Variants in POLE observed in about 807,000 individuals in gnomAD.
POLE encodes the protein DNA polymerase epsilon catalytic subunit A.
Under a neutral mutation model 279.2 loss-of-function variants are expected in POLE, and 188 were observed. The ratio of observed to expected loss-of-function variants is 0.67; its 90% confidence interval spans 0.60 to 0.76. POLE has a LOEUF of 0.76. Ranked by LOEUF, POLE falls within the 30% of genes least tolerant of loss-of-function variation. The pLI is 0.00. For synonymous variants in POLE, 1,214 were observed against 1,172.5 expected (o/e 1.04, Z -0.72); for missense variants, 2,703 against 3,016.7 (o/e 0.90, Z 2.44).
At chr12:132,636,299 G>T (rs2042031205) in intron 41 of POLE, among the ~76,000 whole-genome samples, 1 of 152,086 alleles carries the variant, frequency 6.6e-6, no homozygotes, top group Non-Finnish European at 1.5e-5. Flanking sequence ...CTGCTCTGCG[G>T]CCTTAGGTGA....
At position 132,668,742 on chromosome 12, in the gene POLE, G is replaced by A. The variant is rs878854846; in HGVS notation, c.1924-5C>T. 7 of 1,613,844 alleles carry A rather than the reference G, an allele frequency of 4.3e-6. No homozygotes were observed. Among genetic ancestry groups the A allele is most frequent in the African/African-American group, 2.7e-5 (2 of 74,932 alleles). ...TTCGTCCACCATGGCAGAGGGCTGG[G>A]AGGGGTGAGAAAGCACTTAGGGCTG... is the stretch of plus-strand genomic sequence containing the variant. On this transcript the variant is annotated splice_region_variant and splice_polypyrimidine_tract_variant and intron_variant, in intron 17 of 48. Coordinates refer to ENST00000320574, the MANE Select transcript of POLE (RefSeq NM_006231.4). The surrounding 1 kb of genome is among the most constrained non-coding windows in gnomAD (Gnocchi z 4.0).
intron 45 of POLE, 119 bp from the exon 46 acceptor site, chr12:132,626,436 T>G: frequency 1.1e-6 from 1 of 900,200 alleles, no homozygotes; most frequent in Non-Finnish European, 1.7e-6. Context: ...CTCCCTTCCT[T>G]AGTCCCTTTA....
rs772389988 is a variant in POLE at position 132,672,792 on chromosome 12, C to T, written c.1521G>A (p.Val507=). 2 of 1,614,176 alleles carry T rather than the reference C, an allele frequency of 1.2e-6. No homozygotes were observed. The highest frequency in any genetic ancestry group is 2.2e-5 in the South Asian group (2 of 91,092). ...SGTLCEALLM[V]QAFHANIIFP... ...AGATGATGTTGGCGTGGAAGGCCTG[C>T]ACCATCAGCAAGGCCTCACACAGAG... The change falls in exon 15 of 49, where the codon GTG becomes GTA. Residue 507 remains valine (V), a synonymous_variant. Transcript: ENST00000320574.
intron 41 of POLE, among the ~76,000 whole-genome samples, chr12:132,636,441 G>GAAAAAAA: frequency 2.3e-5 from 1 of 44,444 alleles, no homozygotes; most frequent in Non-Finnish European, 4.0e-5. Context: ...TCCATTTAAG[G>GAAAAAAA]AAAAAAAAAA....
intron 16 of POLE, 121 bp from the exon 17 acceptor site, chr12:132,669,060 A>C: frequency 2.3e-6 from 2 of 857,928 alleles, no homozygotes; most frequent in Non-Finnish European, 3.4e-6. Context: ...TAGAGCAAAA[A>C]CTAGCCAGAA....
At position 132,625,731 on chromosome 12, in the gene POLE, G is replaced by A. The variant is rs2041825246; in HGVS notation, c.6571C>T (p.Gln2191Ter). Reference sequence around the variant, plus strand: ...ATGGCAGAGGAGTCGTAGGGCGCCTGACAGTTGGAGCAGAGCCACTGAGGC... The same window carrying A: ...ATGGCAGAGGAGTCGTAGGGCGCCTAACAGTTGGAGCAGAGCCACTGAGGC... ...VLPQWLCSNC[Q>*]APYDSSAIEM... The change falls in exon 47 of 49, where the codon CAG becomes TAG. Residue 2191 changes from glutamine to a stop codon, truncating the protein, a stop_gained. Coordinates refer to ENST00000320574, the MANE Select transcript of POLE (RefSeq NM_006231.4). LOFTEE classifies it high-confidence loss of function. 1 of 1,612,964 alleles carries A rather than the reference G, an allele frequency of 6.2e-7. No homozygotes were observed. Among genetic ancestry groups the A allele is most frequent in the Admixed American group, 1.7e-5 (1 of 60,018 alleles).
rs754411056 is a variant in POLE, at chr12:132,649,353, G to A, written c.3958C>T (p.Arg1320Ter). 2.5e-6 allele frequency: 4 copies of A among 1,613,588 alleles called. No individual in the cohort carries two copies. The highest frequency in any genetic ancestry group is 1.1e-5 in the South Asian group (1 of 91,084). The stretch of plus-strand genomic sequence containing the variant: ...TCCAGGATGCTGCGGGCAGTTCTTC[G>A]CAAGAAGCTCCCCAGCCCCGTGGCA... ...GPATGLGSFL[R>*]RTARSILDLP... Residue 1320 changes from arginine (R) to a stop codon, truncating the protein, a stop_gained, in exon 31 of 49, where the codon CGA becomes TGA. Coordinates refer to ENST00000320574, the MANE Select transcript of POLE (RefSeq NM_006231.4). LOFTEE classifies it high-confidence loss of function.
chr12:132,655,984 G>A (rs1415029567), intron 29 of POLE, among the ~76,000 whole-genome samples: 2 of 151,522 alleles, frequency 1.3e-5, no homozygotes, highest in Non-Finnish European at 2.9e-5. Flanking sequence ...CCAACATGGT[G>A]AAACCCCGTC....
chr12:132,679,692 T>C (rs374469525), intron 5 of POLE, 41 bp from the exon 6 acceptor site: 48 of 1,587,468 alleles, frequency 3.0e-5, no homozygotes, highest in Non-Finnish European at 3.6e-5. Flanking sequence ...TCAAGAGAAA[T>C]AGGACTTTAT....
chr12:132,625,059 T>G, intron 47 of POLE, 65 bp from the exon 48 acceptor site: 1 of 1,217,068 alleles, frequency 8.2e-7, no homozygotes, highest in South Asian at 1.2e-5. Flanking sequence ...CTGCTGCTTC[T>G]TCACAGGCTC....
rs1351013691 is a variant in POLE, at chr12:132,675,844, G to A, written c.1021-24C>T. ...GCCTGAACCCAAGTCACAGCAGTCA[G>A]AGGTCTGCTCTTTCTCTTCTTCAAG... is the stretch of plus-strand genomic sequence containing the variant. On this transcript the variant is annotated intron_variant, in intron 10 of 48. Transcript: ENST00000320574. The surrounding 1 kb of genome is among the most constrained non-coding windows in gnomAD (Gnocchi z 4.3). 6.4e-7 allele frequency: 1 copy of A among 1,568,406 alleles called. No homozygotes were observed. Among genetic ancestry groups the A allele is most frequent in the Non-Finnish European group, 8.8e-7 (1 of 1,138,196 alleles).
chr12:132,637,952 G>A (rs1450101916), intron 41 of POLE, 62 bp downstream of exon 41: 1 of 1,585,460 alleles, frequency 6.3e-7, no homozygotes. Flanking sequence ...GCACCTCAGG[G>A]GGTCATTTTA....
chr12:132,625,074 G>T, intron 47 of POLE, 80 bp from the exon 48 acceptor site: 5 of 1,052,186 alleles, frequency 4.8e-6, no homozygotes, highest in South Asian at 1.3e-5. Context: ...AGGCTCGCGA[G>T]ACACATTCGT....
At chr12:132,670,527 G>A (rs1463806716) in intron 16 of POLE, among the ~76,000 whole-genome samples, 1 of 151,318 alleles carries the variant, frequency 6.6e-6, no homozygotes, top group Non-Finnish European at 1.5e-5. Flanking sequence ...GGGATTCCAG[G>A]CTGCCCAGGC....
chr12:132,659,942 G>A (rs1184875762), intron 25 of POLE: 5 of 192,428 alleles, frequency 2.6e-5, no homozygotes, highest in Admixed American at 5.3e-5. Context: ...TCTGCCCGCC[G>A]AGGCCTCCCA....
rs754894472 is a variant in POLE, at chr12:132,643,182, C to A, written c.4551+42G>T. On this transcript the variant is annotated intron_variant, in intron 35 of 48. Coordinates refer to ENST00000320574, the MANE Select transcript of POLE (RefSeq NM_006231.4). The stretch of plus-strand genomic sequence containing the variant: ...GGGAGATGTCCTCCTTCCCCAAACC[C>A]TGCCCCAGCCAATGTGCTGCCATGG... The A allele has an allele frequency of 3.1e-6, 5 of 1,594,966 alleles. No individual in the cohort carries two copies. In the East Asian group the frequency reaches 1.1e-4, roughly 36 times the overall value.
rs369150359 is a variant in POLE, at chr12:132,665,361, C to T, written c.2409G>A (p.Ser803=). The change falls in exon 21 of 49, where the codon TCG becomes TCA. Residue 803 remains serine (S), a synonymous_variant. Transcript: ENST00000320574. ...RCKNMEVLYD[S]LQLAHKCILN... Reference sequence around the variant, plus strand: ...GGATGCACTTGTGGGCCAGCTGCAGCGAGTCATACAGCACCTCCATGTTCT... The same window carrying T: ...GGATGCACTTGTGGGCCAGCTGCAGTGAGTCATACAGCACCTCCATGTTCT... 1.4e-5 allele frequency: 22 copies of T among 1,613,838 alleles called. No homozygotes were observed. The highest frequency in any genetic ancestry group is 4.5e-5 in the East Asian group (2 of 44,888).
intron 1 of POLE, among the ~76,000 whole-genome samples, chr12:132,682,395 A>G (rs1179892631): frequency 6.6e-6 from 1 of 152,038 alleles, no homozygotes; most frequent in Non-Finnish European, 1.5e-5. Context: ...GAGGCAGGAG[A>G]ATCACTTGAA....
rs368920055 is a variant in POLE at position 132,657,397 on chromosome 12, C to T, written c.3411G>A (p.Leu1137=). The T allele has an allele frequency of 2.0e-5, 33 of 1,614,118 alleles. No homozygotes were observed. In the African/African-American group the frequency reaches 2.8e-4, roughly 14 times the overall value. Residue 1137 remains leucine, a synonymous_variant, in exon 28 of 49, where the codon CTG becomes CTA. Coordinates refer to ENST00000320574, the MANE Select transcript of POLE (RefSeq NM_006231.4). The part of the protein sequence containing the change: ...ILDWDYYIER[L]GSAIQKIITI... ...TGATGATCTTCTGGATGGCGCTTCC[C>T]AGCCGCTCAATGTAGTAGTCCCAAT... is the stretch of plus-strand genomic sequence containing the variant.
Sources: allele counts gnomAD v4.1 joint callset (sites outside exome capture counted in the v4.1 genomes callset), GRCh38; gene constraint gnomAD v4.1.1; non-coding constraint Gnocchi (gnomAD v3.1); transcripts MANE v1.5; gene names NCBI Gene and HGNC (gene_info 2026-07-23, HGNC 2026-07-21).